Variants in ATP6V1A observed in about 807,000 individuals in gnomAD.
ATP6V1A encodes the protein ATPase H+ transporting V1 subunit A.
Under a neutral mutation model 70.1 loss-of-function variants are expected in ATP6V1A, and 18 were observed. The observed-to-expected ratio is 0.26, with a 90% CI of 0.18 to 0.38. ATP6V1A has a LOEUF of 0.38. ATP6V1A is among the 10% of genes least tolerant of loss of function. The pLI, the probability that ATP6V1A is intolerant of heterozygous loss-of-function variation, is 1.00. For synonymous variants in ATP6V1A, 232 were observed against 253.8 expected (o/e 0.91, Z 0.82); for missense variants, 424 against 772.4 (o/e 0.55, Z 5.35).
In ATP6V1A at chr3:113,802,362, C is replaced by T. The variant is rs140800643; in HGVS notation, c.1495-1221C>T. Among the ~76,000 whole-genome samples the T allele has an allele frequency of 5.9e-3, 895 of 152,238 alleles. 14 individuals are homozygous for T. The highest frequency in any genetic ancestry group is 0.021 in the African/African-American group (852 of 41,540). ...TTAATTTATTTATTTGAGGGAGTCT[C>T]ACACTGTCGCCAGGCTGGAGTGCAG... On this transcript the variant is annotated intron_variant, in intron 12 of 14. Coordinates refer to ENST00000273398, the MANE Select transcript of ATP6V1A (RefSeq NM_001690.4).
intron 1 of ATP6V1A, among the ~76,000 whole-genome samples, chr3:113,767,036 T>C (rs1403568749): frequency 6.6e-6 from 1 of 151,286 alleles, no homozygotes; most frequent in Non-Finnish European, 1.5e-5. Context: ...TTTTTTAACA[T>C]AATGCCTGGA....
chr3:113,776,807 T>C (rs1412866252), intron 1 of ATP6V1A, among the ~76,000 whole-genome samples: 1 of 152,218 alleles, frequency 6.6e-6, no homozygotes, highest in Non-Finnish European at 1.5e-5. Flanking sequence ...TGTTCTAATA[T>C]AGTCTTTATA....
At chr3:113,777,679 G>C (rs1708931481) in intron 1 of ATP6V1A, among the ~76,000 whole-genome samples, 1 of 152,210 alleles carries the variant, frequency 6.6e-6, no homozygotes, top group African/African-American at 2.4e-5. Flanking sequence ...CTTGAGCCCA[G>C]GAAGTTGAGT....
At chr3:113,803,472 TAAC>T in intron 12 of ATP6V1A, 108 bp from the exon 13 acceptor site, 1 of 788,428 alleles carries the variant, frequency 1.3e-6, no homozygotes, top group Non-Finnish European at 2.1e-6. Flanking sequence ...GTAAATTTAT[TAAC>T]AATAGGTGAT....
intron 1 of ATP6V1A, among the ~76,000 whole-genome samples, chr3:113,773,532 A>G (rs1708875000): frequency 6.6e-6 from 1 of 152,256 alleles, no homozygotes; most frequent in South Asian, 2.1e-4. Context: ...CTGCTGGATC[A>G]TGAACAAACC....
At chr3:113,800,088 T>G (rs1253008435) in intron 12 of ATP6V1A, among the ~76,000 whole-genome samples, 1 of 151,886 alleles carries the variant, frequency 6.6e-6, no homozygotes, top group East Asian at 1.9e-4. Flanking sequence ...AAAAATTAGC[T>G]GGGCATGGTG....
At chr3:113,751,513 C>T (rs969473230) in intron 1 of ATP6V1A, among the ~76,000 whole-genome samples, 2 of 151,646 alleles carry the variant, frequency 1.3e-5, no homozygotes, top group Admixed American at 6.6e-5. Flanking sequence ...TGAATTTATT[C>T]TTTATACTAA....
intron 1 of ATP6V1A, among the ~76,000 whole-genome samples, chr3:113,753,846 C>T (rs1322892936): frequency 1.3e-5 from 2 of 151,934 alleles, no homozygotes; most frequent in African/African-American, 4.8e-5. Context: ...CAGGTGTGCA[C>T]CACCACACCT....
intron 2 of ATP6V1A, chr3:113,780,726 C>G (rs1708968652): frequency 7.7e-7 from 1 of 1,290,722 alleles, no homozygotes; most frequent in Admixed American, 2.4e-5. Context: ...TTTTATTGTT[C>G]CAAAGCCTTC....
rs1366842571 is a variant in ATP6V1A at position 113,795,943 on chromosome 3, T to C, written c.1290+4T>C. Reference sequence around the variant, plus strand: ...TGCCACTCTTGGTATCGTTCAGGTATGTCTTTCCCTAGTATAGTCAACTTC... The same window carrying C: ...TGCCACTCTTGGTATCGTTCAGGTACGTCTTTCCCTAGTATAGTCAACTTC... On this transcript the variant is annotated splice_donor_region_variant and intron_variant, in intron 11 of 14. Coordinates refer to ENST00000273398, the MANE Select transcript of ATP6V1A (RefSeq NM_001690.4). The C allele has an allele frequency of 1.9e-6, 3 of 1,606,510 alleles. No individual in the cohort carries two copies. Among genetic ancestry groups the C allele is most frequent in the Non-Finnish European group, 1.7e-6 (2 of 1,176,874 alleles).
intron 8 of ATP6V1A, among the ~76,000 whole-genome samples, chr3:113,793,663 A>C (rs760546290): frequency 6.6e-6 from 1 of 152,216 alleles, no homozygotes; most frequent in Non-Finnish European, 1.5e-5. Context: ...TTGAAGCCTT[A>C]ATATTGATAA....
At chr3:113,796,670 T>G (rs1709155933) in intron 11 of ATP6V1A, among the ~76,000 whole-genome samples, 1 of 152,220 alleles carries the variant, frequency 6.6e-6, no homozygotes, top group Non-Finnish European at 1.5e-5. Context: ...GATATGTGTA[T>G]ATTATTCATG....
intron 10 of ATP6V1A, 111 bp from the exon 11 acceptor site, chr3:113,795,765 T>C (rs1327909397): frequency 8.5e-6 from 7 of 820,568 alleles, no homozygotes; most frequent in Non-Finnish European, 1.3e-5. Context: ...TAAAAAGTTA[T>C]TTACATTAAA....
intron 5 of ATP6V1A, among the ~76,000 whole-genome samples, chr3:113,785,935 T>G (rs1709034804): frequency 6.7e-6 from 1 of 149,488 alleles, no homozygotes; most frequent in Non-Finnish European, 1.5e-5. Flanking sequence ...ACTACTGGGC[T>G]TAAGCAATCC....
intron 1 of ATP6V1A, among the ~76,000 whole-genome samples, chr3:113,751,636 G>A (rs951979941): frequency 4.0e-5 from 6 of 151,124 alleles, no homozygotes; most frequent in East Asian, 1.9e-4. Context: ...AAATGATAGC[G>A]ACTTTGGTTT....
intron 1 of ATP6V1A, among the ~76,000 whole-genome samples, chr3:113,753,851 ACACCTGG>A (rs1199684473): frequency 1.3e-5 from 2 of 152,024 alleles, no homozygotes; most frequent in Non-Finnish European, 2.9e-5. Flanking sequence ...GTGCACCACC[ACACCTGG>A]CTAATTTTTT....
chr3:113,799,427 A>G (rs1709185782), intron 12 of ATP6V1A, among the ~76,000 whole-genome samples: 2 of 152,178 alleles, frequency 1.3e-5, no homozygotes, highest in Non-Finnish European at 2.9e-5. Context: ...AACTTCCTTA[A>G]TGTGTTAAAA....
At chr3:113,756,424 T>C (rs1241740060) in intron 1 of ATP6V1A, among the ~76,000 whole-genome samples, 1 of 152,198 alleles carries the variant, frequency 6.6e-6, no homozygotes, top group Admixed American at 6.5e-5. Context: ...CACTGCCAAA[T>C]TGCTCTCCAA....
At chr3:113,783,366 C>T (rs2108028984) in intron 3 of ATP6V1A, among the ~76,000 whole-genome samples, 1 of 152,218 alleles carries the variant, frequency 6.6e-6, no homozygotes, top group Non-Finnish European at 1.5e-5. Context: ...GATTTTACTC[C>T]TGTCAACAAA....
Sources: gnomAD v4.1 joint callset for allele counts (sites outside exome capture counted in the v4.1 genomes callset) on GRCh38, gnomAD v4.1.1 for gene constraint, MANE v1.5 for transcripts, NCBI Gene and HGNC (gene_info 2026-07-23, HGNC 2026-07-21) for gene names.